KLHL8: variants seen among roughly 807,000 people sequenced by gnomAD.
KLHL8 encodes kelch like family member 8, also known as kelch-like protein 8.
Under a neutral mutation model 63.5 loss-of-function variants are expected in KLHL8, and 38 were observed. The observed-to-expected ratio is 0.60, with a 90% CI of 0.46 to 0.78. The LOEUF is 0.78. Ranked by LOEUF, KLHL8 falls within the 30% of genes least tolerant of loss-of-function variation. The probability of loss-of-function intolerance (pLI) is 0.00; values close to 1 mark genes in which losing one functional copy is unlikely to be tolerated. For synonymous variants in KLHL8, 224 were observed against 254.3 expected (o/e 0.88, Z 1.13); for missense variants, 566 against 752.4 (o/e 0.75, Z 2.90).
chr4:87,236,961 G>A (rs527424944), intron 1 of KLHL8, among the ~76,000 whole-genome samples: 1 of 152,292 alleles, frequency 6.6e-6, no homozygotes, highest in South Asian at 2.1e-4. Context: ...ACGGCACCTA[G>A]TCTGTATTGT....
chr4:87,167,093 A>T (rs1382458784), intron 8 of KLHL8: 1 of 403,964 alleles, frequency 2.5e-6, no homozygotes, highest in Non-Finnish European at 4.8e-6. Flanking sequence ...CTTTGGTGAG[A>T]GTTGGAAGAA....
intron 1 of KLHL8, among the ~76,000 whole-genome samples, chr4:87,237,641 A>G (rs1733255183): frequency 6.6e-6 from 1 of 152,164 alleles, no homozygotes; most frequent in African/African-American, 2.4e-5. Context: ...CAGTTTGGCA[A>G]CATAGTGAAA....
intron 8 of KLHL8, among the ~76,000 whole-genome samples, chr4:87,165,144 T>C (rs541895177): frequency 5.0e-4 from 58 of 115,294 alleles, no homozygotes; most frequent in East Asian, 3.2e-3. Flanking sequence ...AGCAAGACTC[T>C]GTCTCAAAAA....
At chr4:87,183,101 A>T in intron 4 of KLHL8, 102 bp downstream of exon 4, 1 of 739,284 alleles carries the variant, frequency 1.4e-6, no homozygotes, top group East Asian at 2.7e-5. Context: ...ACTTTAAGGC[A>T]ATCAGACACT....
chr4:87,201,097 T>C (rs1412115950), intron 1 of KLHL8, among the ~76,000 whole-genome samples: 1 of 152,108 alleles, frequency 6.6e-6, no homozygotes, highest in Non-Finnish European at 1.5e-5. Context: ...GTCAAATTCA[T>C]AGAAAGTAAA....
chr4:87,195,130 TA>T (rs1181344576), intron 2 of KLHL8, among the ~76,000 whole-genome samples, 193 bp downstream of exon 2: 1 of 152,216 alleles, frequency 6.6e-6, no homozygotes, highest in East Asian at 1.9e-4. Flanking sequence ...ACAATAATTT[TA>T]TCTTATGCTA....
intron 7 of KLHL8, 48 bp downstream of exon 7, chr4:87,170,399 A>G (rs368547120): frequency 6.5e-7 from 1 of 1,541,394 alleles, no homozygotes; most frequent in Non-Finnish European, 8.8e-7. Flanking sequence ...TATTTTGGTT[A>G]TGAATGTAAT....
In KLHL8 at chr4:87,183,425, A is replaced by T. The variant is rs758831691; in HGVS notation, c.766-36T>A. 2.8e-6 allele frequency: 4 copies of T among 1,444,476 alleles called. No individual in the cohort carries two copies. In the South Asian group the frequency reaches 5.9e-5, roughly 21 times the overall value. The allele number at this position is 1,444,476 out of a possible 1,614,324, so 89.5% of individuals were successfully genotyped here. A position where few individuals can be genotyped will look rare whatever the true frequency, so the allele number is the denominator to read the frequency against. ...GAATAGTTGCAATACAACAAATTTT[A>T]TATTTTCTTGGGAAAATATAAAGTC... On this transcript the variant is annotated intron_variant, in intron 3 of 9. Coordinates refer to ENST00000273963, the MANE Select transcript of KLHL8 (RefSeq NM_020803.5).
upstream of KLHL8, among the ~76,000 whole-genome samples, chr4:87,225,188 T>C (rs1000574820): frequency 6.6e-6 from 1 of 152,170 alleles, no homozygotes; most frequent in Non-Finnish European, 1.5e-5. Flanking sequence ...AATCATCTAG[T>C]ATTAACTTAG....
At chr4:87,175,382 TAA>T (rs1730783811) in intron 6 of KLHL8, among the ~76,000 whole-genome samples, 1 of 152,176 alleles carries the variant, frequency 6.6e-6, no homozygotes, top group East Asian at 1.9e-4. Context: ...TCCTTTTTTT[TAA>T]GAGCTGTGTT....
chr4:87,165,019 G>A (rs189087590), intron 8 of KLHL8, among the ~76,000 whole-genome samples: 1 of 151,600 alleles, frequency 6.6e-6, no homozygotes, highest in Non-Finnish European at 1.5e-5. Flanking sequence ...CATGGTGGCG[G>A]GCGCCTGTAG....
intron 1 of KLHL8, among the ~76,000 whole-genome samples, chr4:87,230,535 C>A (rs773379955): frequency 6.6e-6 from 1 of 152,190 alleles, no homozygotes; most frequent in Non-Finnish European, 1.5e-5. Flanking sequence ...AAGAATTCCA[C>A]GTATGACCTA....
At chr4:87,200,540 T>C (rs1010186169) in intron 1 of KLHL8, among the ~76,000 whole-genome samples, 3 of 152,224 alleles carry the variant, frequency 2.0e-5, no homozygotes, top group Non-Finnish European at 2.9e-5. Flanking sequence ...GACAGTCAAC[T>C]GTATATAAAA....
upstream of KLHL8, among the ~76,000 whole-genome samples, chr4:87,223,423 T>G (rs1232309870): frequency 6.6e-6 from 1 of 152,224 alleles, no homozygotes; most frequent in South Asian, 2.1e-4. Flanking sequence ...ATTTCAATAT[T>G]ATTATCATCT....
At chr4:87,234,688 A>G (rs1733196742) in intron 1 of KLHL8, among the ~76,000 whole-genome samples, 1 of 152,168 alleles carries the variant, frequency 6.6e-6, no homozygotes, top group Non-Finnish European at 1.5e-5. Flanking sequence ...ATTTTAGAGT[A>G]TACTCCTACT....
At position 87,220,486 on chromosome 4, in the gene KLHL8, C is replaced by G. The variant is rs1051632753; in HGVS notation, c.-220G>C. The G allele has an allele frequency of 9.2e-5, 14 of 152,306 alleles. No homozygotes were observed. Among genetic ancestry groups the G allele is most frequent in the African/African-American group, 2.9e-4 (12 of 41,448 alleles). The allele number at this position is 152,306 out of a possible 1,614,324, so 9.4% of individuals were successfully genotyped here. Reference sequence around the variant, plus strand: ...GCCACGTTACCACGCTCCCAGAGCCCCGGCCGCCCTCAGCGGAACCTCACC... The same window carrying G: ...GCCACGTTACCACGCTCCCAGAGCCGCGGCCGCCCTCAGCGGAACCTCACC... On this transcript the variant is annotated 5_prime_UTR_variant, in exon 1 of 10. Transcript: ENST00000273963.
At position 87,170,068 on chromosome 4, in the gene KLHL8, C is replaced by T; in HGVS notation, c.1537+11G>A. ...TATACTGATATATTAGAGAAATACC[C>T]ATTTACTCACCAACTACGTATAAGC... On this transcript the variant is annotated intron_variant, in intron 8 of 9. Coordinates refer to ENST00000273963, the MANE Select transcript of KLHL8 (RefSeq NM_020803.5). 1.2e-6 allele frequency: 2 copies of T among 1,603,560 alleles called. No homozygotes were observed. Among genetic ancestry groups the T allele is most frequent in the Non-Finnish European group, 1.7e-6 (2 of 1,171,490 alleles).
At chr4:87,177,579 T>C (rs1221921592) in intron 5 of KLHL8, among the ~76,000 whole-genome samples, 1 of 151,628 alleles carries the variant, frequency 6.6e-6, no homozygotes, top group Non-Finnish European at 1.5e-5. Context: ...CACACACACT[T>C]ACACACATAC....
Position 87,165,020 on chromosome 4 carries a change from G to A in KLHL8, c.1538-941C>T, listed in dbSNP as rs181826533. On this transcript the variant is annotated intron_variant, in intron 8 of 9. Coordinates refer to ENST00000273963, the MANE Select transcript of KLHL8 (RefSeq NM_020803.5). ...AAAAATTAGCTGGGCATGGTGGCGG[G>A]CGCCTGTAGTCCCAGCTACTCGGGA... Among the ~76,000 whole-genome samples the A allele has an allele frequency of 7.0e-3, 1,067 of 151,774 alleles. 37 individuals carry two copies. Among genetic ancestry groups the A allele is most frequent in the Admixed American group, 0.065 (990 of 15,256 alleles).
Sources: allele counts gnomAD v4.1 joint callset (sites outside exome capture counted in the v4.1 genomes callset), GRCh38; gene constraint gnomAD v4.1.1; transcripts MANE v1.5; gene names NCBI Gene and HGNC (gene_info 2026-07-23, HGNC 2026-07-21).